DNAH12: variants seen among roughly 807,000 people sequenced by gnomAD.
The protein encoded by DNAH12 is axonemal beta dynein heavy chain 12.
DNAH12 carries 285 observed loss-of-function variants against 371.5 expected under a neutral mutation model. The observed-to-expected ratio is 0.77, with a 90% CI of 0.70 to 0.85. The LOEUF is 0.85. Ranked by LOEUF, DNAH12 falls within the 40% of genes least tolerant of loss-of-function variation. DNAH12 has a pLI of 0.00. For missense variants in DNAH12, 3,611 were observed against 3,689.4 expected, an observed-to-expected ratio of 0.98 and a Z score of 0.55; for synonymous variants, 1,200 against 1,213.0, an observed-to-expected ratio of 0.99 and a Z score of 0.22.
chr3:57,374,816 T>C (rs1459477646), intron 55 of DNAH12, among the ~76,000 whole-genome samples: 1 of 152,150 alleles, frequency 6.6e-6, no homozygotes, highest in Non-Finnish European at 1.5e-5. Flanking sequence ...ATGATTCCTT[T>C]ATATGAAATT....
chr3:57,481,543 C>T (rs1422391407), intron 13 of DNAH12, among the ~76,000 whole-genome samples: 1 of 152,086 alleles, frequency 6.6e-6, no homozygotes. Flanking sequence ...CTACCAATGA[C>T]TTTCTTCACA....
chr3:57,428,477 G>A (rs1265493857), intron 34 of DNAH12, 156 bp downstream of exon 34: 1 of 1,534,540 alleles, frequency 6.5e-7, no homozygotes, highest in Non-Finnish European at 8.8e-7. Context: ...GAGTTATGCA[G>A]CTATAACTTA....
At chr3:57,525,756 CTTTTTTT>C (rs776184662) in intron 2 of DNAH12, among the ~76,000 whole-genome samples, 1 of 76,274 alleles carries the variant, frequency 1.3e-5, no homozygotes, top group East Asian at 4.7e-4. Context: ...ATGTCTTATT[CTTTTTTT>C]TTTTTTTTTT....
At position 57,301,915 on chromosome 3, in the gene DNAH12, A is replaced by G. The variant is rs1421035935; in HGVS notation, c.11214T>C (p.Thr3738=). The G allele has an allele frequency of 2.6e-6, 4 of 1,551,502 alleles. No individual in the cohort carries two copies. The Admixed American group carries it at 7.8e-5, about 30-fold the overall frequency. ...TAATAGCTTTTTCAAGGTCCCGTAGAGTGTTACGTATAGTTATAATTAAAC... is the reference window on the plus strand; with the variant it reads ...TAATAGCTTTTTCAAGGTCCCGTAGGGTGTTACGTATAGTTATAATTAAAC... The part of the protein sequence containing the change: ...FNNLIITIRN[T]LRDLEKAIKG... Residue 3738 remains threonine (T), a synonymous_variant, in exon 70 of 74, where the codon ACT becomes ACC. Coordinates refer to ENST00000495027, the MANE Select transcript of DNAH12 (RefSeq NM_001366028.2).
At chr3:57,401,817 C>A (rs1180854541) in intron 43 of DNAH12, among the ~76,000 whole-genome samples, 1 of 151,842 alleles carries the variant, frequency 6.6e-6, no homozygotes, top group Non-Finnish European at 1.5e-5. Flanking sequence ...TCTGGTAGCA[C>A]AACCAATGCC....
chr3:57,439,804 T>C (rs1223654907), intron 29 of DNAH12, among the ~76,000 whole-genome samples: 1 of 151,494 alleles, frequency 6.6e-6, no homozygotes, highest in African/African-American at 2.4e-5. Flanking sequence ...AAAGGTCTAA[T>C]ATCCAGAATT....
In DNAH12 at chr3:57,414,055, T is replaced by C. The variant is rs567009695; in HGVS notation, c.5854-143A>G. On this transcript the variant is annotated intron_variant, in intron 38 of 73. Transcript: ENST00000495027. ...TTTACCAGTAACAATTACTATTTGC[T>C]TAATTTATCAATGATTAACTTAACA... 7.1e-5 allele frequency: 56 copies of C among 783,822 alleles called. No homozygotes were observed. In the African/African-American group the frequency reaches 9.1e-4, roughly 13 times the overall value. 48.6% of individuals were successfully genotyped at this position (783,822 alleles called of 1,614,324 possible).
At chr3:57,444,944 T>C in intron 28 of DNAH12, 128 bp from the exon 29 acceptor site, 2 of 1,011,080 alleles carry the variant, frequency 2.0e-6, no homozygotes, top group Non-Finnish European at 1.3e-6. Flanking sequence ...TTATTTTACA[T>C]TGCTCTCTGG....
chr3:57,392,997 T>C (rs939511513), intron 44 of DNAH12, among the ~76,000 whole-genome samples: 10 of 151,120 alleles, frequency 6.6e-5, no homozygotes, highest in Non-Finnish European at 1.3e-4. Flanking sequence ...GTTTTTGTTG[T>C]TGTTGTTGTT....
chr3:57,373,318 A>ATTT (rs36162551), intron 55 of DNAH12, among the ~76,000 whole-genome samples: 1 of 144,312 alleles, frequency 6.9e-6, no homozygotes. Flanking sequence ...TACTCAACTG[A>ATTT]TTTTTTTTTT....
Position 57,314,591 on chromosome 3 carries a change from G to A in DNAH12, c.10565C>T (p.Ala3522Val), listed in dbSNP as rs1322676605. The A allele has an allele frequency of 1.3e-6, 2 of 1,549,502 alleles. No individual in the cohort carries two copies. Among genetic ancestry groups the A allele is most frequent in the East Asian group, 2.4e-5 (1 of 40,820 alleles). ...KLLFGVCFFH[A>V]LVQERKKFGP... ...AAATTTCTTTCTCTCTTGCACAAGG[G>A]CATGAAAAAAACAAACTCCAAACAG... The change falls in exon 66 of 74, where the codon GCC (alanine) becomes GTC (valine). Residue 3522 changes from alanine to valine, a missense_variant. By Grantham distance (64) the Ala-to-Val change is moderately conservative (BLOSUM62 0). Coordinates refer to ENST00000495027, the MANE Select transcript of DNAH12 (RefSeq NM_001366028.2).
chr3:57,517,607 T>G (rs2068244669), intron 4 of DNAH12, among the ~76,000 whole-genome samples: 1 of 152,226 alleles, frequency 6.6e-6, no homozygotes, highest in Non-Finnish European at 1.5e-5. Flanking sequence ...AAATTCATTA[T>G]TCTAATTATG....
intron 34 of DNAH12, among the ~76,000 whole-genome samples, chr3:57,425,888 AAAATT>A (rs1408022272): frequency 6.6e-6 from 1 of 152,212 alleles, no homozygotes; most frequent in African/African-American, 2.4e-5. Flanking sequence ...GGATGATATT[AAAATT>A]AAATAGACAA....
chr3:57,438,919 A>C (rs79006713), intron 29 of DNAH12, among the ~76,000 whole-genome samples: 1 of 12,374 alleles, frequency 8.1e-5, no homozygotes, highest in African/African-American at 3.0e-4. Context: ...TGTCTCAGAC[A>C]AAAAAAAAAA....
At chr3:57,521,333 A>G (rs1301885892) in intron 4 of DNAH12, among the ~76,000 whole-genome samples, 21 of 151,910 alleles carry the variant, frequency 1.4e-4, no homozygotes, top group Admixed American at 5.9e-4. Context: ...CATTCATTGA[A>G]AAGACTATTC....
Position 57,385,016 on chromosome 3 carries a change from G to C in DNAH12, c.7684-11C>G, listed in dbSNP as rs1165405367. On this transcript the variant is annotated splice_polypyrimidine_tract_variant and intron_variant, in intron 48 of 73. Coordinates refer to ENST00000495027, the MANE Select transcript of DNAH12 (RefSeq NM_001366028.2). ...CTCTATCTCAATAACCTAAAGAGGTGAAAGATGAAGACAATTTCTCAAACA... is the reference window on the plus strand; with the variant it reads ...CTCTATCTCAATAACCTAAAGAGGTCAAAGATGAAGACAATTTCTCAAACA... 6.6e-6 allele frequency: 1 copy of C among 152,168 alleles called. No homozygotes were observed. The highest frequency in any genetic ancestry group is 6.5e-5 in the Admixed American group (1 of 15,274). The allele number at this position is 152,168 out of a possible 1,614,324, so 9.4% of individuals were successfully genotyped here. A position where few individuals can be genotyped will look rare whatever the true frequency, so the allele number is the denominator to read the frequency against.
At chr3:57,489,384 G>T in intron 12 of DNAH12, 125 bp downstream of exon 12, 3 of 943,008 alleles carry the variant, frequency 3.2e-6, no homozygotes, top group Non-Finnish European at 4.4e-6. Flanking sequence ...TCTATAGGAG[G>T]CAGCTATGGA....
intron 65 of DNAH12, among the ~76,000 whole-genome samples, chr3:57,316,214 C>T (rs1225932511): frequency 6.6e-6 from 1 of 151,144 alleles, no homozygotes; most frequent in African/African-American, 2.4e-5. Flanking sequence ...ATACCACTGA[C>T]CTGCCATCAG....
At chr3:57,525,016 A>G (rs2068585188) in intron 2 of DNAH12, among the ~76,000 whole-genome samples, 1 of 152,162 alleles carries the variant, frequency 6.6e-6, no homozygotes, top group Non-Finnish European at 1.5e-5. Flanking sequence ...ACTAGAAGAG[A>G]TGGCCAAAGA....
Sources: allele counts gnomAD v4.1 joint callset (sites outside exome capture counted in the v4.1 genomes callset), GRCh38; gene constraint gnomAD v4.1.1; transcripts MANE v1.5; gene names NCBI Gene and HGNC (gene_info 2026-07-23, HGNC 2026-07-21).